The following IQANK1 variants were observed in gnomAD, a reference collection of about 807,000 sequenced individuals.
The protein encoded by IQANK1 is IQ motif and ankyrin repeat domain-containing protein 1.
Under a neutral mutation model 22.6 loss-of-function variants are expected in IQANK1, and 30 were observed. That is an observed-to-expected ratio of 1.33 (90% CI 0.99 to 1.80). IQANK1 has a LOEUF of 1.80. Ranked by LOEUF, IQANK1 falls within the 40% of genes most tolerant of loss-of-function variation. The pLI is 0.00. For missense variants in IQANK1, 275 were observed against 235.2 expected (o/e 1.17, Z -1.11); for synonymous variants, 122 against 99.6 (o/e 1.23, Z -1.34).
At chr8:143,742,251 C>G (rs1554626627) in intron 3 of IQANK1, 1 of 400,734 alleles carries the variant, frequency 2.5e-6, no homozygotes, top group South Asian at 1.8e-5. Flanking sequence ...CAGTGATACA[C>G]AGCGCTCAAG....
At chr8:143,742,152 C>A (rs565881472) in intron 3 of IQANK1, 7 of 352,258 alleles carry the variant, frequency 2.0e-5, no homozygotes, top group East Asian at 7.5e-5. Flanking sequence ...CACCCCCAAG[C>A]CTTTCCCAGC....
At chr8:143,748,330 G>T (rs932189848) in intron 3 of IQANK1, among the ~76,000 whole-genome samples, 1 of 150,654 alleles carries the variant, frequency 6.6e-6, no homozygotes, top group Non-Finnish European at 1.5e-5. Context: ...CTTATCTTCT[G>T]CCTGGTGGTT....
chr8:143,744,656 G>A (rs1232245140), intron 3 of IQANK1: 1 of 152,132 alleles, frequency 6.6e-6, no homozygotes, highest in African/African-American at 2.4e-5. Context: ...CTGCTTCCCT[G>A]GTCTCTGATG....
intron 3 of IQANK1, among the ~76,000 whole-genome samples, chr8:143,770,093 C>A (rs1044707730): frequency 6.6e-6 from 1 of 152,254 alleles, no homozygotes; most frequent in East Asian, 1.9e-4. Context: ...CAGAGTGAGA[C>A]CCTGTCTCAA....
At position 143,774,767 on chromosome 8, in the gene IQANK1, C is replaced by T. The variant is rs1238960103; in HGVS notation, c.789+2285C>T. ...AACGACTCAGATGTCCTCCAGCAGG[C>T]GAGTGGCTCCACTAGCTTGGTGCAT... On this transcript the variant is annotated intron_variant, in intron 7 of 13. Transcript: ENST00000527139. The surrounding 1 kb of genome is among the most constrained non-coding windows in gnomAD (Gnocchi z 4.2). Among the ~76,000 whole-genome samples the T allele has an allele frequency of 6.6e-6, 1 of 152,186 alleles. No homozygotes were observed. Among genetic ancestry groups the T allele is most frequent in the African/African-American group, 2.4e-5 (1 of 41,438 alleles).
intron 1 of IQANK1, among the ~76,000 whole-genome samples, chr8:143,734,522 TG>T (rs1198204470): frequency 1.3e-5 from 2 of 149,910 alleles, no homozygotes; most frequent in African/African-American, 4.9e-5. Flanking sequence ...CTGTGCCTCA[TG>T]TACACCAACC....
intron 3 of IQANK1, among the ~76,000 whole-genome samples, chr8:143,749,989 A>ATTTTAT (rs1309410654): frequency 6.7e-6 from 1 of 150,232 alleles, no homozygotes; most frequent in Non-Finnish European, 1.5e-5. Flanking sequence ...TTTTTTTTAA[A>ATTTTAT]TTTTATTTTT....
intron 7 of IQANK1, among the ~76,000 whole-genome samples, chr8:143,788,046 C>T (rs531202559): frequency 6.6e-6 from 1 of 152,294 alleles, no homozygotes; most frequent in South Asian, 2.1e-4. Context: ...ATGAGAGTCT[C>T]CCTGCCCCAC....
intron 7 of IQANK1, among the ~76,000 whole-genome samples, chr8:143,773,286 A>G (rs1454289021): frequency 1.3e-5 from 2 of 149,338 alleles, no homozygotes; most frequent in Non-Finnish European, 1.5e-5. Flanking sequence ...CAGCCTGGGC[A>G]ACAGAGTGAG....
chr8:143,778,624 A>G (rs1273104911), intron 7 of IQANK1, among the ~76,000 whole-genome samples: 3 of 152,236 alleles, frequency 2.0e-5, no homozygotes, highest in African/African-American at 7.2e-5. Context: ...CAGCGATGAT[A>G]CCGAAGAGCT....
At chr8:143,768,032 G>GC (rs1819509451) in intron 3 of IQANK1, among the ~76,000 whole-genome samples, 1 of 150,354 alleles carries the variant, frequency 6.7e-6, no homozygotes, top group African/African-American at 2.4e-5. Flanking sequence ...TACAGGCGCC[G>GC]CCACCACACC....
chr8:143,772,634 C>T (rs1449970003), intron 7 of IQANK1, among the ~76,000 whole-genome samples, 152 bp downstream of exon 7: 1 of 152,192 alleles, frequency 6.6e-6, no homozygotes, highest in African/African-American at 2.4e-5. Context: ...CCGGCTGTCT[C>T]TGAAAGCTGT....
intron 3 of IQANK1, among the ~76,000 whole-genome samples, chr8:143,763,006 C>T (rs1406828462): frequency 6.8e-6 from 1 of 147,288 alleles, no homozygotes; most frequent in Non-Finnish European, 1.5e-5. Context: ...TTCCTTTTCC[C>T]TTTCTTTTCC....
chr8:143,752,860 C>T (rs1341484106), intron 3 of IQANK1, among the ~76,000 whole-genome samples: 1 of 152,138 alleles, frequency 6.6e-6, no homozygotes, highest in Non-Finnish European at 1.5e-5. Flanking sequence ...ATGTATTTCT[C>T]AGAACATATT....
intron 7 of IQANK1, among the ~76,000 whole-genome samples, chr8:143,787,032 C>T (rs536726470): frequency 4.6e-5 from 7 of 152,250 alleles, no homozygotes; most frequent in African/African-American, 1.4e-4. Context: ...GGGCTTGACG[C>T]CTAGGGGAAA....
chr8:143,768,381 G>A (rs112929489), intron 3 of IQANK1, among the ~76,000 whole-genome samples: 5,973 of 151,974 alleles, frequency 0.039, 365 homozygotes, highest in African/African-American at 0.13. Context: ...GGGGGTTTCC[G>A]CCAGGTTTCT....
At chr8:143,760,682 C>G (rs1280886323) in intron 3 of IQANK1, among the ~76,000 whole-genome samples, 4 of 152,026 alleles carry the variant, frequency 2.6e-5, no homozygotes, top group Admixed American at 6.6e-5. Context: ...ACCCTGCGTC[C>G]AAAATAAATA....
At chr8:143,762,398 G>A (rs933501896) in intron 3 of IQANK1, among the ~76,000 whole-genome samples, 1 of 152,062 alleles carries the variant, frequency 6.6e-6, no homozygotes, top group Non-Finnish European at 1.5e-5. Context: ...GATGTTCAGA[G>A]CTTTACCCAG....
chr8:143,746,463 G>GC (rs1362873483), intron 3 of IQANK1: 3 of 151,890 alleles, frequency 2.0e-5, no homozygotes, highest in Non-Finnish European at 4.4e-5. Flanking sequence ...GCTCACTGCA[G>GC]CCTCGACCTC....
Sources: allele counts gnomAD v4.1 joint callset (sites outside exome capture counted in the v4.1 genomes callset), GRCh38; gene constraint gnomAD v4.1.1; non-coding constraint Gnocchi (gnomAD v3.1); transcripts MANE v1.5; gene names NCBI Gene and HGNC (gene_info 2026-07-23, HGNC 2026-07-21).